TMEM232: variants seen among roughly 807,000 people sequenced by gnomAD.
TMEM232 encodes the protein transmembrane protein 232.
A neutral mutation model predicts 78.8 loss-of-function variants in TMEM232; 80 were observed. That is an observed-to-expected ratio of 1.01 (90% CI 0.85 to 1.22). The LOEUF (loss-of-function observed/expected upper bound fraction) is 1.22, where lower values mean the gene tolerates loss of function less well. Ranked by LOEUF, TMEM232 falls within the 50% of genes most tolerant of loss-of-function variation. TMEM232 has a pLI of 0.00. For missense variants in TMEM232, 881 were observed against 742.2 expected (o/e 1.19, Z -2.17); for synonymous variants, 297 against 254.3 (o/e 1.17, Z -1.60).
intron 12 of TMEM232, among the ~76,000 whole-genome samples, chr5:110,492,997 A>G (rs1243200571): frequency 6.6e-6 from 1 of 151,890 alleles, no homozygotes; most frequent in Non-Finnish European, 1.5e-5. Context: ...TATTAAAGCC[A>G]GGAGTCATAG....
chr5:110,523,957 A>G (rs182599), intron 12 of TMEM232, among the ~76,000 whole-genome samples: 1 of 63,124 alleles, frequency 1.6e-5, no homozygotes, highest in African/African-American at 6.7e-5. Flanking sequence ...TTGGTTTAAA[A>G]AAAAAAAAAG....
At chr5:110,456,708 AACAT>A (rs1181540853) in intron 12 of TMEM232, among the ~76,000 whole-genome samples, 1 of 152,138 alleles carries the variant, frequency 6.6e-6, no homozygotes, top group African/African-American at 2.4e-5. Flanking sequence ...AGATTTGAGA[AACAT>A]ACCTGCACAT....
chr5:110,568,771 C>G, intron 10 of TMEM232, 146 bp from the exon 11 acceptor site: 1 of 749,852 alleles, frequency 1.3e-6, no homozygotes, highest in Non-Finnish European at 2.0e-6. Context: ...ATTTCTGACC[C>G]TTCACTGCTT....
At chr5:110,593,165 A>G (rs1779734776) in intron 10 of TMEM232, among the ~76,000 whole-genome samples, 1 of 152,152 alleles carries the variant, frequency 6.6e-6, no homozygotes, top group Admixed American at 6.6e-5. Context: ...AGAAGGAAGA[A>G]AGCTCACATA....
At chr5:110,640,131 G>A (rs1267364195) in intron 4 of TMEM232, among the ~76,000 whole-genome samples, 1 of 152,192 alleles carries the variant, frequency 6.6e-6, no homozygotes, top group Non-Finnish European at 1.5e-5. Context: ...GGTAAACCAA[G>A]AGTGTTTACC....
At chr5:110,714,698 T>C (rs1033475354) in intron 1 of TMEM232, among the ~76,000 whole-genome samples, 1 of 152,222 alleles carries the variant, frequency 6.6e-6, no homozygotes, top group African/African-American at 2.4e-5. Flanking sequence ...AAATTATTCA[T>C]TTTAAGTGAC....
At chr5:110,656,414 T>C (rs1789065224) in intron 2 of TMEM232, among the ~76,000 whole-genome samples, 1 of 152,204 alleles carries the variant, frequency 6.6e-6, no homozygotes, top group Non-Finnish European at 1.5e-5. Context: ...TAATTTTTTT[T>C]TGTTTGAGTT....
chr5:110,407,786 G>T (rs12523032), intron 2 of TMEM232, among the ~76,000 whole-genome samples: 22,327 of 151,996 alleles, frequency 0.15, 2,883 homozygotes, highest in African/African-American at 0.33. Flanking sequence ...CACAAAACAA[G>T]CCTGTACAAA....
chr5:110,444,871 G>A (rs373252025), intron 12 of TMEM232, among the ~76,000 whole-genome samples: 1 of 151,822 alleles, frequency 6.6e-6, no homozygotes, highest in South Asian at 2.1e-4. Flanking sequence ...TAGATGTCTG[G>A]ACTATACCTC....
At chr5:110,649,405 A>T (rs1446094362) in intron 2 of TMEM232, among the ~76,000 whole-genome samples, 11 of 152,134 alleles carry the variant, frequency 7.2e-5, no homozygotes, top group Non-Finnish European at 4.4e-5. Context: ...CATTATATTT[A>T]TGTTCATATA....
chr5:110,447,475 C>T (rs1399824006), intron 12 of TMEM232, among the ~76,000 whole-genome samples: 2 of 152,088 alleles, frequency 1.3e-5, no homozygotes, highest in African/African-American at 4.8e-5. Context: ...TTGACAAATG[C>T]CAGTCCTATA....
chr5:110,704,676 T>G (rs1185450303), intron 1 of TMEM232, among the ~76,000 whole-genome samples: 2 of 152,088 alleles, frequency 1.3e-5, no homozygotes, highest in Non-Finnish European at 2.9e-5. Flanking sequence ...GTCAAGTTTT[T>G]GTAACTAGCC....
intron 12 of TMEM232, among the ~76,000 whole-genome samples, chr5:110,437,777 T>C (rs2112731068): frequency 6.6e-6 from 1 of 152,224 alleles, no homozygotes. Context: ...GTATAGGTAA[T>C]TTGATGAATA....
At chr5:110,705,671 C>CAGGGTTA (rs1485088731) in intron 1 of TMEM232, among the ~76,000 whole-genome samples, 1 of 129,880 alleles carries the variant, frequency 7.7e-6, no homozygotes, top group African/African-American at 2.8e-5. Context: ...AAATTACTAC[C>CAGGGTTA]AGGGTTAAGC....
At chr5:110,491,430 A>G (rs750332820) in intron 12 of TMEM232, among the ~76,000 whole-genome samples, 1 of 152,056 alleles carries the variant, frequency 6.6e-6, no homozygotes, top group Middle Eastern at 3.2e-3. Flanking sequence ...GTTAAACTCT[A>G]TGTAAAATGT....
chr5:110,482,410 G>A (rs1208301580), intron 12 of TMEM232, among the ~76,000 whole-genome samples: 1 of 151,794 alleles, frequency 6.6e-6, no homozygotes, highest in African/African-American at 2.4e-5. Flanking sequence ...GCAAAACCCC[G>A]TCTCTACTAA....
At chr5:110,624,125 A>G (rs1294445456) in intron 7 of TMEM232, among the ~76,000 whole-genome samples, 4 of 152,166 alleles carry the variant, frequency 2.6e-5, no homozygotes, top group Non-Finnish European at 5.9e-5. Context: ...ATTTCATGGA[A>G]TCCTATTTGT....
At chr5:110,392,178 A>T (rs541032121) in intron 3 of TMEM232, among the ~76,000 whole-genome samples, 1 of 152,168 alleles carries the variant, frequency 6.6e-6, no homozygotes. Flanking sequence ...GTTGCTAACA[A>T]TTTTGTCAAT....
At position 110,714,987 on chromosome 5, in the gene TMEM232, T is replaced by C. The variant is rs994915481; in HGVS notation, c.-13+11640A>G. On this transcript the variant is annotated intron_variant, in intron 1 of 13. Coordinates refer to ENST00000455884, the MANE Select transcript of TMEM232 (RefSeq NM_001039763.4). ...TAAAAGTATGACAAGAGCTAGAGAA[T>C]AGACAAATATAAATTTAAATATGAA... Among the ~76,000 whole-genome samples, 21 of 152,168 alleles carry C rather than the reference T, an allele frequency of 1.4e-4. 1 individual carries two copies. The highest frequency in any genetic ancestry group is 5.8e-4 in the East Asian group (3 of 5,196).
Sources: allele counts gnomAD v4.1 joint callset (sites outside exome capture counted in the v4.1 genomes callset), GRCh38; gene constraint gnomAD v4.1.1; transcripts MANE v1.5; gene names NCBI Gene and HGNC (gene_info 2026-07-23, HGNC 2026-07-21).